CFDP1: variants seen among roughly 807,000 people sequenced by gnomAD.
CFDP1 encodes heterochromatin-stabilizing protein CFDP1.
CFDP1 carries 31 observed loss-of-function variants against 40.1 expected under a neutral mutation model. That is an observed-to-expected ratio of 0.77 (90% CI 0.58 to 1.04). The LOEUF (loss-of-function observed/expected upper bound fraction) is 1.04, where lower values mean the gene tolerates loss of function less well. CFDP1 is among the 50% of genes least tolerant of loss of function. The pLI is 0.00. For missense variants in CFDP1, 423 were observed against 343.4 expected, an observed-to-expected ratio of 1.23 and a Z score of -1.83; for synonymous variants, 167 against 120.0, an observed-to-expected ratio of 1.39 and a Z score of -2.56.
At chr16:75,389,598 TAG>T (rs1567667411) in intron 5 of CFDP1, among the ~76,000 whole-genome samples, 1 of 152,188 alleles carries the variant, frequency 6.6e-6, no homozygotes, top group Non-Finnish European at 1.5e-5. Context: ...TAAATCTGTT[TAG>T]AGAGAGGAAA....
chr16:75,352,299 C>T (rs1681445251), intron 5 of CFDP1, among the ~76,000 whole-genome samples: 1 of 151,978 alleles, frequency 6.6e-6, no homozygotes, highest in African/African-American at 2.4e-5. Context: ...CGAGATCACG[C>T]CACAGCACTC....
intron 5 of CFDP1, among the ~76,000 whole-genome samples, chr16:75,328,373 T>A (rs573759910): frequency 6.8e-6 from 1 of 146,872 alleles, no homozygotes; most frequent in South Asian, 2.2e-4. Flanking sequence ...TCACCTGAGG[T>A]CAGGAGTTCG....
chr16:75,338,421 G>T (rs188089813), intron 5 of CFDP1, among the ~76,000 whole-genome samples: 15 of 152,246 alleles, frequency 9.9e-5, no homozygotes, highest in African/African-American at 2.6e-4. Context: ...GTTGGAGAGG[G>T]GTCCATTCAG....
chr16:75,423,706 G>A (rs949466370), intron 1 of CFDP1, among the ~76,000 whole-genome samples: 3 of 152,176 alleles, frequency 2.0e-5, no homozygotes, highest in African/African-American at 7.2e-5. Flanking sequence ...AGTTGAGACG[G>A]GGTTTCACCA....
At chr16:75,340,933 T>C (rs114814961) in intron 5 of CFDP1, among the ~76,000 whole-genome samples, 120 of 152,282 alleles carry the variant, frequency 7.9e-4, no homozygotes, top group African/African-American at 2.8e-3. Context: ...GCTGGTTGTT[T>C]CCTGCACCTC....
At chr16:75,424,548 G>A (rs951059111) in intron 1 of CFDP1, among the ~76,000 whole-genome samples, 2 of 152,130 alleles carry the variant, frequency 1.3e-5, no homozygotes, top group African/African-American at 4.8e-5. Context: ...GAGGTCAGGA[G>A]ATCAAGACCA....
In CFDP1 at chr16:75,418,914, G is replaced by A. The variant is rs1314065895; in HGVS notation, c.65-4219C>T. On this transcript the variant is annotated intron_variant, in intron 1 of 6. Transcript: ENST00000283882. ...GAGGCCAAGGTGGGTGAGTATGGGG[G>A]GGAATGCTTGAGCCCATGAGTTCGA... 2.3e-5 allele frequency: 4 copies of A among 173,430 alleles called. 1 individual carries two copies. The South Asian group carries it at 4.3e-4, about 19-fold the overall frequency. 10.7% of individuals were successfully genotyped at this position (173,430 alleles called of 1,614,324 possible). A position where few individuals can be genotyped will look rare whatever the true frequency, so the allele number is the denominator to read the frequency against.
At chr16:75,412,398 C>G (rs1331762771) in intron 3 of CFDP1, 137 bp downstream of exon 3, 4 of 738,766 alleles carry the variant, frequency 5.4e-6, no homozygotes, top group Non-Finnish European at 9.4e-6. Flanking sequence ...GCTTATTCTC[C>G]TACCACAGGA....
chr16:75,329,090 C>T (rs1204392358), intron 5 of CFDP1, among the ~76,000 whole-genome samples: 1 of 152,066 alleles, frequency 6.6e-6, no homozygotes, highest in African/African-American at 2.4e-5. Flanking sequence ...CTCAGGTGAT[C>T]TGCCCGCCTC....
chr16:75,336,465 A>G (rs2078488319), intron 5 of CFDP1, among the ~76,000 whole-genome samples: 1 of 152,240 alleles, frequency 6.6e-6, no homozygotes, highest in African/African-American at 2.4e-5. Flanking sequence ...GGTCAGAAAC[A>G]GAAAAGAGAG....
rs561597132 is a variant in CFDP1, at chr16:75,297,286, C to T, written c.810-3244G>A. On this transcript the variant is annotated intron_variant, in intron 6 of 6. Transcript: ENST00000283882. ...CTGCCCGCCTCAGCCTCCCGAAGTGCTGGGATTACAGGCGTGAGCCACTCT... is the reference window on the plus strand; with the variant it reads ...CTGCCCGCCTCAGCCTCCCGAAGTGTTGGGATTACAGGCGTGAGCCACTCT... Among the ~76,000 whole-genome samples, 12 of 152,128 alleles carry T rather than the reference C, an allele frequency of 7.9e-5. No homozygotes were observed. In the East Asian group the frequency reaches 2.3e-3, roughly 29 times the overall value.
intron 5 of CFDP1, among the ~76,000 whole-genome samples, chr16:75,309,582 A>C (rs2078280077): frequency 1.3e-5 from 2 of 152,106 alleles, no homozygotes; most frequent in Admixed American, 1.3e-4. Flanking sequence ...GCACTTTGGG[A>C]AGCCGAGGCG....
chr16:75,401,757 A>G (rs542728799), intron 4 of CFDP1, among the ~76,000 whole-genome samples: 1 of 115,676 alleles, frequency 8.6e-6, no homozygotes, highest in African/African-American at 2.7e-5. Context: ...ACCTTCATGG[A>G]AATGACAAGC....
At chr16:75,380,684 A>G (rs1268529060) in intron 5 of CFDP1, among the ~76,000 whole-genome samples, 2 of 152,216 alleles carry the variant, frequency 1.3e-5, no homozygotes, top group African/African-American at 4.8e-5. Flanking sequence ...TGCAACCCAC[A>G]TAGATTTGGG....
At chr16:75,368,247 T>C (rs1455951969) in intron 5 of CFDP1, among the ~76,000 whole-genome samples, 4 of 152,232 alleles carry the variant, frequency 2.6e-5, no homozygotes, top group African/African-American at 9.6e-5. Flanking sequence ...GAAATTATTA[T>C]TATTTTTAGA....
intron 5 of CFDP1, among the ~76,000 whole-genome samples, chr16:75,370,258 A>C (rs1466100285): frequency 6.6e-6 from 1 of 151,350 alleles, no homozygotes; most frequent in Non-Finnish European, 1.5e-5. Context: ...ACACCCAGCT[A>C]ATTTTTGTAT....
At chr16:75,384,357 T>C (rs2078875392) in intron 5 of CFDP1, among the ~76,000 whole-genome samples, 1 of 151,496 alleles carries the variant, frequency 6.6e-6, no homozygotes, top group Non-Finnish European at 1.5e-5. Flanking sequence ...TGAGACTCCA[T>C]CTCAAAAAAA....
rs997878419 is a variant in CFDP1, at chr16:75,332,798, CT to C, written c.651-27617del. On this transcript the variant is annotated intron_variant, in intron 5 of 6. Coordinates refer to ENST00000283882, the MANE Select transcript of CFDP1 (RefSeq NM_006324.3). ...TGTCTGTGGCTTGCCTATTCATGTT[CT>C]TTTTTTTTTTTTCCTTTTTTTTTTT... Among the ~76,000 whole-genome samples the C allele has an allele frequency of 3.7e-3, 490 of 134,084 alleles. 4 individuals are homozygous for C. The highest frequency in any genetic ancestry group is 0.013 in the South Asian group (55 of 4,140). The allele number at this position is 134,084 out of a possible 152,430, so 88.0% of individuals were successfully genotyped here.
intron 5 of CFDP1, among the ~76,000 whole-genome samples, chr16:75,336,051 A>T (rs1226886159): frequency 6.6e-6 from 1 of 152,202 alleles, no homozygotes; most frequent in Non-Finnish European, 1.5e-5. Flanking sequence ...AGCCTCCCCC[A>T]AATAAGTGGG....
Sources: gnomAD v4.1 joint callset for allele counts (sites outside exome capture counted in the v4.1 genomes callset) on GRCh38, gnomAD v4.1.1 for gene constraint, MANE v1.5 for transcripts, NCBI Gene and HGNC (gene_info 2026-07-23, HGNC 2026-07-21) for gene names.